Variants in UBASH3A observed in about 807,000 individuals in gnomAD.
UBASH3A encodes ubiquitin-associated and SH3 domain-containing protein A.
A neutral mutation model predicts 73.5 loss-of-function variants in UBASH3A; 63 were observed. That is an observed-to-expected ratio of 0.86 (90% CI 0.70 to 1.06). The LOEUF is 1.06. Among genes scored for constraint, UBASH3A ranks in the 50% least tolerant of loss-of-function variants. The pLI is 0.00. For missense variants in UBASH3A, 860 were observed against 859.0 expected (o/e 1.00, Z -0.02); for synonymous variants, 363 against 351.1 (o/e 1.03, Z -0.38).
chr21:42,406,568 GAA>G (rs1347693584), intron 2 of UBASH3A, among the ~76,000 whole-genome samples: 3 of 152,194 alleles, frequency 2.0e-5, no homozygotes, highest in Non-Finnish European at 4.4e-5. Context: ...CATGGAAAGA[GAA>G]AGAGAGAACT....
intron 3 of UBASH3A, among the ~76,000 whole-genome samples, chr21:42,411,255 C>T (rs1182240356): frequency 6.6e-6 from 1 of 151,918 alleles, no homozygotes; most frequent in Non-Finnish European, 1.5e-5. Flanking sequence ...CAGATAGACA[C>T]ACATACACAC....
At chr21:42,444,768 G>A in intron 14 of UBASH3A, 125 bp downstream of exon 14, 1 of 776,774 alleles carries the variant, frequency 1.3e-6, no homozygotes, top group East Asian at 2.6e-5. Context: ...GGATCCACGT[G>A]CCCCCGGAGA....
chr21:42,419,148 G>A (rs369341305), intron 7 of UBASH3A, among the ~76,000 whole-genome samples: 52 of 152,308 alleles, frequency 3.4e-4, no homozygotes, highest in African/African-American at 1.1e-3. Flanking sequence ...TCACACCCTC[G>A]CCTGAGCATA....
In UBASH3A at chr21:42,418,625, G is replaced by A. The variant is rs540084646; in HGVS notation, c.1046+16G>A. On this transcript the variant is annotated intron_variant, in intron 7 of 14. Transcript: ENST00000319294. Reference sequence around the variant, plus strand: ...TGAAGCACAGGTGAGTGCTGCCTCTGGCTGCAGCCCCGTCATCTCTCTCTG... The same window carrying A: ...TGAAGCACAGGTGAGTGCTGCCTCTAGCTGCAGCCCCGTCATCTCTCTCTG... 6 of 1,609,076 alleles carry A rather than the reference G, an allele frequency of 3.7e-6. No individual in the cohort carries two copies. The highest frequency in any genetic ancestry group is 1.7e-4 in the Middle Eastern group (1 of 5,946).
chr21:42,439,416 C>T (rs1428808316), intron 11 of UBASH3A, among the ~76,000 whole-genome samples: 2 of 152,184 alleles, frequency 1.3e-5, no homozygotes, highest in Non-Finnish European at 2.9e-5. Flanking sequence ...CTTCACTTTG[C>T]CTTGGAGGTT....
At chr21:42,406,212 C>A (rs925781930) in intron 1 of UBASH3A, 96 bp from the exon 2 acceptor site, 30 of 1,013,802 alleles carry the variant, frequency 3.0e-5, no homozygotes, top group African/African-American at 2.4e-4. Flanking sequence ...GAGCACCCCC[C>A]AAAGATCCTG....
intron 11 of UBASH3A, among the ~76,000 whole-genome samples, chr21:42,438,268 A>G (rs528452259): frequency 6.6e-6 from 1 of 152,320 alleles, no homozygotes; most frequent in African/African-American, 2.4e-5. Flanking sequence ...ACAGACACAG[A>G]TGCAGCAGGA....
chr21:42,436,897 A>C (rs2053635266), intron 10 of UBASH3A, among the ~76,000 whole-genome samples: 1 of 152,250 alleles, frequency 6.6e-6, no homozygotes, highest in Non-Finnish European at 1.5e-5. Flanking sequence ...GCAGATCCAA[A>C]GCCCAGGCCC....
intron 9 of UBASH3A, 26 bp downstream of exon 9, chr21:42,432,228 G>C (rs766803911): frequency 4.0e-6 from 6 of 1,492,792 alleles, no homozygotes; most frequent in Middle Eastern, 1.7e-4. Context: ...GCGGGTCTAC[G>C]GACAGAAACA....
intron 1 of UBASH3A, among the ~76,000 whole-genome samples, chr21:42,404,469 T>C (rs1568903119): frequency 6.6e-6 from 1 of 152,228 alleles, no homozygotes; most frequent in Non-Finnish European, 1.5e-5. Flanking sequence ...CCTGATATTC[T>C]TGACCTTTTA....
intron 11 of UBASH3A, among the ~76,000 whole-genome samples, chr21:42,439,172 T>C (rs924145472): frequency 7.9e-5 from 12 of 152,212 alleles, no homozygotes; most frequent in African/African-American, 2.4e-4. Context: ...ATTCCTGTCC[T>C]GTGCTCTCAT....
At chr21:42,420,359 T>C (rs2053314285) in intron 7 of UBASH3A, among the ~76,000 whole-genome samples, 1 of 152,254 alleles carries the variant, frequency 6.6e-6, no homozygotes, top group African/African-American at 2.4e-5. Context: ...TTTTTATTTG[T>C]ATTTTTTAAA....
In UBASH3A at chr21:42,417,419, C is replaced by CAAAAAAAAAAAAAAAAAAAAAA. The variant is rs71190423; in HGVS notation, c.837+811_837+832dup. 2 of 74,312 alleles carry CAAAAAAAAAAAAAAAAAAAAAA rather than the reference C, an allele frequency of 2.7e-5. 1 individual carries two copies. The highest frequency in any genetic ancestry group is 5.0e-5 in the Non-Finnish European group (2 of 40,376). 4.6% of individuals were successfully genotyped at this position (74,312 alleles called of 1,614,324 possible). On this transcript the variant is annotated intron_variant, in intron 6 of 14. Coordinates refer to ENST00000319294, the MANE Select transcript of UBASH3A (RefSeq NM_018961.4). ...AGCCTGGGCAACAGAGCGAGACTGG[C>CAAAAAAAAAAAAAAAAAAAAAA]AAAAAAAAAAAAAAAAAAAAAAAAG...
intron 14 of UBASH3A, among the ~76,000 whole-genome samples, chr21:42,445,797 G>A (rs1040823228): frequency 2.6e-5 from 4 of 152,176 alleles, no homozygotes; most frequent in Non-Finnish European, 4.4e-5. Context: ...ATTTCCGAGC[G>A]CCCTGGATTC....
chr21:42,428,081 G>A (rs889833292), intron 8 of UBASH3A, among the ~76,000 whole-genome samples: 2 of 152,170 alleles, frequency 1.3e-5, no homozygotes, highest in South Asian at 2.1e-4. Flanking sequence ...AGACACACAA[G>A]AGGGATGGCC....
intron 9 of UBASH3A, among the ~76,000 whole-genome samples, chr21:42,433,539 G>C (rs1055240639): frequency 1.3e-5 from 2 of 152,180 alleles, no homozygotes; most frequent in African/African-American, 4.8e-5. Flanking sequence ...GATCACAGCT[G>C]AAGTGTCAAT....
chr21:42,413,015 T>A lies in UBASH3A; in HGVS notation c.355-9T>A, dbSNP rs1399387758. On this transcript the variant is annotated splice_polypyrimidine_tract_variant and intron_variant, in intron 3 of 14. Coordinates refer to ENST00000319294, the MANE Select transcript of UBASH3A (RefSeq NM_018961.4). This position sits in a 1 kb window ranked among gnomAD's most constrained non-coding sequence, Gnocchi z 4.5. The stretch of plus-strand genomic sequence containing the variant: ...TGTGGAAACACAGGCTCTGTCTCTG[T>A]CCCCTTAGTGTGAAGACCAGAAGGT... The A allele has an allele frequency of 5.0e-6, 8 of 1,611,850 alleles. No homozygotes were observed. The highest frequency in any genetic ancestry group is 6.8e-6 in the Non-Finnish European group (8 of 1,178,076).
intron 2 of UBASH3A, among the ~76,000 whole-genome samples, chr21:42,406,765 T>C (rs1032714001): frequency 5.3e-5 from 8 of 152,264 alleles, no homozygotes; most frequent in African/African-American, 1.7e-4. Context: ...TGGGTTTATA[T>C]TAGTACTGCT....
chr21:42,435,259 G>A (rs964448835), intron 10 of UBASH3A: 7 of 210,904 alleles, frequency 3.3e-5, no homozygotes, highest in Non-Finnish European at 6.6e-5. Flanking sequence ...GCTCCAAGGA[G>A]CTCACTTTTC....
Sources: allele counts gnomAD v4.1 joint callset (sites outside exome capture counted in the v4.1 genomes callset), GRCh38; gene constraint gnomAD v4.1.1; non-coding constraint Gnocchi (gnomAD v3.1); transcripts MANE v1.5; gene names NCBI Gene and HGNC (gene_info 2026-07-23, HGNC 2026-07-21).